The following ROR1 variants were observed in gnomAD, a reference collection of about 807,000 sequenced individuals.
ROR1 encodes the protein ROR family WNT receptor 1.
A neutral mutation model predicts 78.8 loss-of-function variants in ROR1; 19 were observed. The ratio of observed to expected loss-of-function variants is 0.24; its 90% confidence interval spans 0.17 to 0.35. The LOEUF is 0.35. Among genes scored for constraint, ROR1 ranks in the 10% least tolerant of loss-of-function variants. The pLI, the probability that ROR1 is intolerant of heterozygous loss-of-function variation, is 1.00. For synonymous variants in ROR1, 386 were observed against 433.6 expected, an observed-to-expected ratio of 0.89 and a Z score of 1.36; for missense variants, 917 against 1,177.8, an observed-to-expected ratio of 0.78 and a Z score of 3.24.
intron 4 of ROR1, among the ~76,000 whole-genome samples, chr1:64,117,107 T>C (rs6682870): frequency 0.29 from 43,985 of 151,978 alleles, 6,801 homozygotes; most frequent in African/African-American, 0.34. Context: ...TACTTTGTCT[T>C]CTGCTAAACA....
chr1:64,178,021 C>G lies in ROR1; in HGVS notation c.1980C>G (p.Pro660=). Residue 660 remains proline (P), a synonymous_variant, in exon 9 of 9, where the codon CCC becomes CCG. Coordinates refer to ENST00000371079, the MANE Select transcript of ROR1 (RefSeq NM_005012.4). The surrounding 1 kb of genome is among the most constrained non-coding windows in gnomAD (Gnocchi z 4.3). ...CCTTGCTGCCCATTCGCTGGATGCC[C>G]CCTGAAGCCATCATGTATGGCAAAT... ...SKSLLPIRWM[P]PEAIMYGKFS... is the part of the protein sequence containing the mutation. 1 of 1,614,132 alleles carries G rather than the reference C, an allele frequency of 6.2e-7. No homozygotes were observed. Among genetic ancestry groups the G allele is most frequent in the East Asian group, 2.2e-5 (1 of 44,878 alleles).
intron 1 of ROR1, among the ~76,000 whole-genome samples, chr1:63,908,342 T>A (rs1221737111): frequency 6.6e-6 from 1 of 152,218 alleles, no homozygotes; most frequent in Non-Finnish European, 1.5e-5. Context: ...AAATGCTGGT[T>A]CCTTCATGAC....
At chr1:63,792,775 A>G (rs946799922) in intron 1 of ROR1, among the ~76,000 whole-genome samples, 2 of 105,802 alleles carry the variant, frequency 1.9e-5, no homozygotes, top group Non-Finnish European at 4.7e-5. Flanking sequence ...GGAAACTTGC[A>G]ACTTACTTAA....
chr1:63,924,710 C>T (rs1030124365), intron 1 of ROR1, among the ~76,000 whole-genome samples: 6 of 152,158 alleles, frequency 3.9e-5, no homozygotes, highest in Admixed American at 2.0e-4. Flanking sequence ...AAGACTGGCA[C>T]TGAGTGCAAG....
intron 4 of ROR1, among the ~76,000 whole-genome samples, chr1:64,121,261 C>CCAT (rs201508133): frequency 0.36 from 50,228 of 138,524 alleles, 9,947 homozygotes; most frequent in East Asian, 0.66. Context: ...TTCCTTCCAT[C>CCAT]CTCCTGTTTC....
chr1:63,898,008 G>C (rs1569877161), intron 1 of ROR1, among the ~76,000 whole-genome samples: 1 of 152,280 alleles, frequency 6.6e-6, no homozygotes, highest in East Asian at 1.9e-4. Context: ...GGTTCCAAAA[G>C]GGCCTTTTTG....
chr1:64,168,660 G>T (rs1650153491), intron 8 of ROR1, among the ~76,000 whole-genome samples: 1 of 152,174 alleles, frequency 6.6e-6, no homozygotes, highest in Non-Finnish European at 1.5e-5. Context: ...ATGACTACAA[G>T]TAGTCATGTA....
Position 64,002,131 on chromosome 1 carries a change from CTT to C in ROR1, c.92-7154_92-7153del, listed in dbSNP as rs34252630. Among the ~76,000 whole-genome samples, 687 of 105,686 alleles carry C rather than the reference CTT, an allele frequency of 6.5e-3. 1 individual carries two copies. Among genetic ancestry groups the C allele is most frequent in the South Asian group, 0.02 (61 of 2,978 alleles). 69.3% of individuals were successfully genotyped at this position (105,686 alleles called of 152,430 possible). ...AGAAGGTGTTAGGGACCAGTTCAAC[CTT>C]TTTTTTTTTTTTTTTTTTTGAGACG... On this transcript the variant is annotated intron_variant, in intron 1 of 8. Coordinates refer to ENST00000371079, the MANE Select transcript of ROR1 (RefSeq NM_005012.4).
At chr1:63,891,331 A>G (rs970184588) in intron 1 of ROR1, among the ~76,000 whole-genome samples, 1 of 152,170 alleles carries the variant, frequency 6.6e-6, no homozygotes, top group Non-Finnish European at 1.5e-5. Context: ...GGATGTGAAA[A>G]TATTTCAGAA....
chr1:63,865,951 A>G (rs1039341347), intron 1 of ROR1, among the ~76,000 whole-genome samples: 15 of 152,198 alleles, frequency 9.9e-5, no homozygotes, highest in Admixed American at 9.8e-4. Flanking sequence ...AGTCTGGTGG[A>G]GAAAAAAACC....
intron 8 of ROR1, among the ~76,000 whole-genome samples, chr1:64,161,050 A>G (rs796119467): frequency 1.3e-5 from 2 of 152,352 alleles, no homozygotes; most frequent in South Asian, 4.1e-4. Flanking sequence ...CTCCAACAGA[A>G]ATTCCAGAGA....
intron 1 of ROR1, among the ~76,000 whole-genome samples, chr1:63,943,167 A>AATGAAT (rs1645855812): frequency 6.6e-6 from 1 of 151,634 alleles, no homozygotes; most frequent in African/African-American, 2.4e-5. Flanking sequence ...ATATTGAATG[A>AATGAAT]ATGAATAGGT....
At position 63,943,151 on chromosome 1, in the gene ROR1, C is replaced by G. The variant is rs75932211; in HGVS notation, c.92-66154C>G. 1.4e-3 allele frequency among the ~76,000 whole-genome samples: 215 copies of G among 149,954 alleles called. 1 individual carries two copies. The highest frequency in any genetic ancestry group is 4.9e-3 in the African/African-American group (200 of 40,726). ...GCAGCAGCCATGCCTATGAGCTACT[C>G]AGGACATATTGAATGAATGAATAGG... On this transcript the variant is annotated intron_variant, in intron 1 of 8. Transcript: ENST00000371079.
chr1:63,950,240 T>C (rs565415727), intron 1 of ROR1, among the ~76,000 whole-genome samples: 3 of 152,314 alleles, frequency 2.0e-5, no homozygotes, highest in African/African-American at 7.2e-5. Context: ...AATAAAAGAA[T>C]GACCACTCCA....
chr1:64,129,972 T>G (rs1156394947), intron 4 of ROR1, among the ~76,000 whole-genome samples: 1 of 152,190 alleles, frequency 6.6e-6, no homozygotes, highest in Admixed American at 6.5e-5. Context: ...GACAGAACGT[T>G]ATTCATCTGT....
At chr1:64,072,400 T>C (rs991223393) in intron 4 of ROR1, among the ~76,000 whole-genome samples, 2 of 152,094 alleles carry the variant, frequency 1.3e-5, no homozygotes, top group Non-Finnish European at 2.9e-5. Flanking sequence ...ATAAGCTCTA[T>C]CAGTTCTCAC....
At chr1:64,002,735 A>T (rs552748442) in intron 1 of ROR1, among the ~76,000 whole-genome samples, 1 of 152,326 alleles carries the variant, frequency 6.6e-6, no homozygotes, top group South Asian at 2.1e-4. Flanking sequence ...AGTGTGATTC[A>T]AGAAGTATTT....
At chr1:63,959,718 C>T (rs568933723) in intron 1 of ROR1, among the ~76,000 whole-genome samples, 1 of 152,204 alleles carries the variant, frequency 6.6e-6, no homozygotes, top group Non-Finnish European at 1.5e-5. Context: ...TCAACATGAG[C>T]TAAGGAGCTA....
chr1:63,977,070 G>T (rs752208163), intron 1 of ROR1, among the ~76,000 whole-genome samples: 5 of 152,100 alleles, frequency 3.3e-5, no homozygotes, highest in Non-Finnish European at 7.3e-5. Flanking sequence ...AGAGTGAAGT[G>T]GGGGGAAAGC....
Sources: gnomAD v4.1 joint callset for allele counts (sites outside exome capture counted in the v4.1 genomes callset) on GRCh38, gnomAD v4.1.1 for gene constraint, Gnocchi (gnomAD v3.1) non-coding constraint, MANE v1.5 for transcripts, NCBI Gene and HGNC (gene_info 2026-07-23, HGNC 2026-07-21) for gene names.